Variants in RAPGEFL1 observed in about 807,000 individuals in gnomAD.
RAPGEFL1 encodes the protein Rap guanine nucleotide exchange factor like 1.
In RAPGEFL1, 31 loss-of-function variants were observed where a neutral mutation model predicts 64.4. That is an observed-to-expected ratio of 0.48 (90% CI 0.36 to 0.65). The LOEUF is 0.65. Among genes scored for constraint, RAPGEFL1 ranks in the 30% least tolerant of loss-of-function variants. The pLI, the probability that RAPGEFL1 is intolerant of heterozygous loss-of-function variation, is 0.00. For synonymous variants in RAPGEFL1, 331 were observed against 274.1 expected, an observed-to-expected ratio of 1.21 and a Z score of -2.05; for missense variants, 682 against 677.4, an observed-to-expected ratio of 1.01 and a Z score of -0.08.
At chr17:40,181,315 G>C (rs1989886457) in intron 1 of RAPGEFL1, 2 of 535,778 alleles carry the variant, frequency 3.7e-6, no homozygotes, top group Admixed American at 2.2e-5. Flanking sequence ...CTCAACCTTG[G>C]TGTGTTATCT....
intron 1 of RAPGEFL1, among the ~76,000 whole-genome samples, chr17:40,179,066 CT>C (rs113460127): frequency 0.012 from 1,712 of 142,568 alleles, 29 homozygotes; most frequent in African/African-American, 0.038. Context: ...CAGCACCCGG[CT>C]TTTTTTTTTT....
chr17:40,190,655 G>A lies in RAPGEFL1; in HGVS notation c.1228G>A (p.Glu410Lys), dbSNP rs1990228032. 6.2e-7 allele frequency: 1 copy of A among 1,614,012 alleles called. No individual in the cohort carries two copies. The highest frequency in any genetic ancestry group is 1.3e-5 in the African/African-American group (1 of 74,924). ...SYEALVPLPE[E>K]IQVSPGDTEI... ...CTGCCACCAGGTGCCCCTCCCCGAG[G>A]AGATCCAGGTCTCCCCTGGAGACAC... Residue 410 changes from glutamate (E) to lysine (K), a missense_variant, in exon 8 of 15, where the codon GAG becomes AAG. Physicochemically the swap from Glu to Lys is moderately conservative, Grantham distance 56. Coordinates refer to ENST00000620260, the MANE Select transcript of RAPGEFL1 (RefSeq NM_016339.6).
At chr17:40,183,835 C>CTTTTTTTTTTTTTTTTTTTTTTT (rs34505274) in intron 2 of RAPGEFL1, among the ~76,000 whole-genome samples, 1 of 56,880 alleles carries the variant, frequency 1.8e-5, no homozygotes, top group Non-Finnish European at 3.1e-5. Flanking sequence ...TTTTTTTTGC[C>CTTTTTTTTTTTTTTTTTTTTTTT]TTTTTTTTTT....
Position 40,181,642 on chromosome 17 carries a change from A to G in RAPGEFL1, c.547A>G (p.Thr183Ala), listed in dbSNP as rs1455731310. ...TATCCTGCTGGATGACATTGTCCTT[A>G]CCCATTCTCTCTTCCTCCCGACGGA... ...SDILLDDIVLTHSLFLPTEKF... is the reference protein window; with the variant it reads ...SDILLDDIVLAHSLFLPTEKF... Residue 183 changes from threonine to alanine, a missense_variant, in exon 2 of 15, where the codon ACC (threonine) becomes GCC (alanine). This residue lies in a region of RAPGEFL1 where 271 missense variants were observed against 158.0 expected (regional missense o/e 1.72). Coordinates refer to ENST00000620260, the MANE Select transcript of RAPGEFL1 (RefSeq NM_016339.6). 4.3e-6 allele frequency: 3 copies of G among 702,792 alleles called. No individual in the cohort carries two copies. In the South Asian group the frequency reaches 4.4e-5, roughly 10 times the overall value. 43.5% of individuals were successfully genotyped at this position (702,792 alleles called of 1,614,324 possible).
chr17:40,191,126 ATAT>A lies in RAPGEFL1; in HGVS notation c.1336-184_1336-182del, dbSNP rs1253286972. The A allele has an allele frequency of 4.8e-6, 3 of 623,924 alleles. No homozygotes were observed. Among genetic ancestry groups the A allele is most frequent in the Non-Finnish European group, 8.1e-6 (3 of 368,774 alleles). The allele number at this position is 623,924 out of a possible 1,614,324, so 38.6% of individuals were successfully genotyped here. A position where few individuals can be genotyped will look rare whatever the true frequency, so the allele number is the denominator to read the frequency against. On this transcript the variant is annotated intron_variant, in intron 8 of 14. Transcript: ENST00000620260. This position sits in a 1 kb window ranked among gnomAD's most constrained non-coding sequence, Gnocchi z 5.1. Reference sequence around the variant, plus strand: ...TAGTAAGTGCTCAGTAGCTGGTGAAATATTATTAATGCTGGTTGTTTTCTTTTT... The same window carrying A: ...TAGTAAGTGCTCAGTAGCTGGTGAAATATTAATGCTGGTTGTTTTCTTTTT...
At chr17:40,177,150 G>T, upstream of RAPGEFL1, 1 of 702,598 alleles carries the variant, frequency 1.4e-6, no homozygotes, top group Non-Finnish European at 2.6e-6. Context: ...GCACACTCTT[G>T]GGTTCAGCAA....
intron 2 of RAPGEFL1, among the ~76,000 whole-genome samples, chr17:40,183,234 A>G (rs1989947074): frequency 6.6e-6 from 1 of 152,192 alleles, no homozygotes. Flanking sequence ...GGTTTGTGGT[A>G]AACACCATTG....
chr17:40,187,911 C>CT (rs1388229344), intron 4 of RAPGEFL1, among the ~76,000 whole-genome samples: 2 of 145,914 alleles, frequency 1.4e-5, no homozygotes, highest in African/African-American at 5.1e-5. Flanking sequence ...CCGCGCCTGG[C>CT]CTTTTTTTTT....
In RAPGEFL1 at chr17:40,191,229, G is replaced by GCTC; in HGVS notation, c.1336-83_1336-81dup. 1 of 1,222,980 alleles carries GCTC rather than the reference G, an allele frequency of 8.2e-7. No individual in the cohort carries two copies. The highest frequency in any genetic ancestry group is 1.1e-6 in the Non-Finnish European group (1 of 921,206). The allele number at this position is 1,222,980 out of a possible 1,614,324, so 75.8% of individuals were successfully genotyped here. ...TTCCGCCCCCGCCCTCCTGCCTTTCGCTCCTCATCGCCTTGCACTGCCATC... is the reference window on the plus strand; with the variant it reads ...TTCCGCCCCCGCCCTCCTGCCTTTCGCTCCTCCTCATCGCCTTGCACTGCCATC... On this transcript the variant is annotated intron_variant, in intron 8 of 14. Transcript: ENST00000620260. This position sits in a 1 kb window ranked among gnomAD's most constrained non-coding sequence, Gnocchi z 5.1.
intron 4 of RAPGEFL1, among the ~76,000 whole-genome samples, chr17:40,187,873 A>T (rs1380483017): frequency 6.7e-6 from 1 of 148,870 alleles, no homozygotes; most frequent in African/African-American, 2.5e-5. Flanking sequence ...TTGGCCTCCC[A>T]AAGTGCTGAG....
At position 40,191,486 on chromosome 17, in the gene RAPGEFL1, C is replaced by A. The variant is rs771923732; in HGVS notation, c.1506C>A (p.Ile502=). 1 of 1,605,020 alleles carries A rather than the reference C, an allele frequency of 6.2e-7. No homozygotes were observed. ...AGCTGCTCAAGAAGTTCATCAAGAT[C>A]GCGGCCCTGTGAGTGCGGCCGTCGG... is the stretch of plus-strand genomic sequence containing the variant. ...RAQLLKKFIK[I]AALCKQNQDL... Residue 502 remains isoleucine (I), a synonymous_variant, in exon 9 of 15, where the codon ATC becomes ATA. Transcript: ENST00000620260. This position sits in a 1 kb window ranked among gnomAD's most constrained non-coding sequence, Gnocchi z 5.1.
chr17:40,184,380 CAG>C (rs767169956), intron 3 of RAPGEFL1, 31 bp downstream of exon 3: 2 of 1,581,454 alleles, frequency 1.3e-6, no homozygotes, highest in East Asian at 2.2e-5. Context: ...GGTGGGTAAA[CAG>C]GCTATTAGCT....
intron 11 of RAPGEFL1, 129 bp from the exon 12 acceptor site, chr17:40,192,477 T>G: frequency 1.1e-6 from 1 of 948,484 alleles, no homozygotes; most frequent in Non-Finnish European, 1.6e-6. Context: ...CACCACACCA[T>G]TAGAAAGCCC....
Position 40,178,357 on chromosome 17 carries a change from G to A in RAPGEFL1, c.496G>A (p.Ala166Thr), listed in dbSNP as rs1476105180. 1.8e-6 allele frequency: 1 copy of A among 548,102 alleles called. No homozygotes were observed. 34.0% of individuals were successfully genotyped at this position (548,102 alleles called of 1,614,324 possible). A position where few individuals can be genotyped will look rare whatever the true frequency, so the allele number is the denominator to read the frequency against. ...NRVLERLAGGATRDSAASDIL... is the reference protein window; with the variant it reads ...NRVLERLAGGTTRDSAASDIL... ...GGTTCTGGAGCGGCTTGCTGGAGGG[G>A]CTACCAGGGACAGCGCCGCCTCAGG... The change falls in exon 1 of 15, where the codon GCT becomes ACT. Residue 166 changes from alanine (A) to threonine (T), a missense_variant. This residue lies in a region of RAPGEFL1 where 271 missense variants were observed against 158.0 expected (regional missense o/e 1.72). Coordinates refer to ENST00000620260, the MANE Select transcript of RAPGEFL1 (RefSeq NM_016339.6).
chr17:40,183,242 T>C lies in RAPGEFL1; in HGVS notation c.600-972T>C, dbSNP rs531431149. Among the ~76,000 whole-genome samples the C allele has an allele frequency of 5.4e-4, 83 of 152,322 alleles. 1 individual carries two copies. The highest frequency in any genetic ancestry group is 1.4e-3 in the Admixed American group (22 of 15,282). ...ATAGTCAGGTTTGTGGTAAACACCA[T>C]TGGCATTTATTAGGCGCACTGTGAG... On this transcript the variant is annotated intron_variant, in intron 2 of 14. Coordinates refer to ENST00000620260, the MANE Select transcript of RAPGEFL1 (RefSeq NM_016339.6).
chr17:40,191,490 G>A lies in RAPGEFL1; in HGVS notation c.1510G>A (p.Ala504Thr). ...GCTCAAGAAGTTCATCAAGATCGCG[G>A]CCCTGTGAGTGCGGCCGTCGGCGGG... ...QLLKKFIKIAALCKQNQDLLS... is the reference protein window; with the variant it reads ...QLLKKFIKIATLCKQNQDLLS... Residue 504 changes from alanine to threonine, a missense_variant, in exon 9 of 15, where the codon GCC becomes ACC. Transcript: ENST00000620260. This position sits in a 1 kb window ranked among gnomAD's most constrained non-coding sequence, Gnocchi z 5.1. 1.9e-6 allele frequency: 3 copies of A among 1,603,872 alleles called. No individual in the cohort carries two copies. The highest frequency in any genetic ancestry group is 2.5e-6 in the Non-Finnish European group (3 of 1,177,188).
chr17:40,192,379 C>T, intron 11 of RAPGEFL1, 116 bp downstream of exon 11: 1 of 1,213,404 alleles, frequency 8.2e-7, no homozygotes, highest in Non-Finnish European at 1.2e-6. Context: ...TGGGACCCCC[C>T]ACCCTCCTTA....
intron 13 of RAPGEFL1, 112 bp downstream of exon 13, chr17:40,193,102 T>C (rs1323617223): frequency 2.7e-6 from 3 of 1,101,596 alleles, no homozygotes; most frequent in Non-Finnish European, 4.1e-6. Flanking sequence ...CCAGCTTGCC[T>C]AACAGACTCT....
At chr17:40,188,337 C>T (rs1033817993) in intron 4 of RAPGEFL1, among the ~76,000 whole-genome samples, 3 of 152,160 alleles carry the variant, frequency 2.0e-5, no homozygotes, top group Non-Finnish European at 4.4e-5. Context: ...GCATAACTCT[C>T]CTGGTACCTT....
Sources: allele counts gnomAD v4.1 joint callset (sites outside exome capture counted in the v4.1 genomes callset), GRCh38; gene constraint gnomAD v4.1.1; regional missense constraint gnomAD v4.1.1; non-coding constraint Gnocchi (gnomAD v3.1); transcripts MANE v1.5; gene names NCBI Gene and HGNC (gene_info 2026-07-23, HGNC 2026-07-21).